UBR2: variants seen among roughly 807,000 people sequenced by gnomAD.
The protein encoded by UBR2 is ubiquitin protein ligase E3 component n-recognin 2, also known as E3 ubiquitin-protein ligase UBR2.
UBR2 carries 92 observed loss-of-function variants against 247.9 expected under a neutral mutation model. The observed-to-expected ratio is 0.37, with a 90% CI of 0.31 to 0.44. The LOEUF is 0.44. Ranked by LOEUF, UBR2 falls within the 20% of genes least tolerant of loss-of-function variation. UBR2 has a pLI of 1.00. For synonymous variants in UBR2, 672 were observed against 693.5 expected, an observed-to-expected ratio of 0.97 and a Z score of 0.49; for missense variants, 1,613 against 2,112.6, an observed-to-expected ratio of 0.76 and a Z score of 4.64.
chr6:42,592,106 AT>A, intron 2 of UBR2, 44 bp from the exon 3 acceptor site: 13 of 1,502,608 alleles, frequency 8.7e-6, no homozygotes, highest in Non-Finnish European at 1.2e-5. Context: ...TGTGAAATAT[AT>A]AGTTATTTTC....
chr6:42,650,275 C>G lies in UBR2; in HGVS notation c.2463-9C>G. 6.2e-7 allele frequency: 1 copy of G among 1,608,978 alleles called. No homozygotes were observed. Among genetic ancestry groups the G allele is most frequent in the South Asian group, 1.1e-5 (1 of 90,758 alleles). On this transcript the variant is annotated splice_polypyrimidine_tract_variant and intron_variant, in intron 22 of 46. Transcript: ENST00000372901. ...TGGTAATAATATTCTAAGGTCCTTT[C>G]TTTCACAGGAAACCTGGATTAACAG...
intron 25 of UBR2, among the ~76,000 whole-genome samples, chr6:42,653,033 C>T (rs1222075010): frequency 1.3e-5 from 2 of 151,858 alleles, no homozygotes; most frequent in Non-Finnish European, 2.9e-5. Flanking sequence ...CATAGACTTA[C>T]GGTCCTATAG....
intron 18 of UBR2, 76 bp from the exon 19 acceptor site, chr6:42,644,134 ATCTC>A (rs1796603047): frequency 7.0e-7 from 1 of 1,438,640 alleles, no homozygotes; most frequent in Admixed American, 2.3e-5. Context: ...AAGCCAAACT[ATCTC>A]TCACTAATTG....
intron 11 of UBR2, among the ~76,000 whole-genome samples, chr6:42,630,119 AG>A (rs1377384878): frequency 2.7e-5 from 4 of 150,404 alleles, no homozygotes; most frequent in Non-Finnish European, 5.9e-5. Flanking sequence ...TAGCAGTAGT[AG>A]TAGTAGCAGT....
intron 11 of UBR2, among the ~76,000 whole-genome samples, 196 bp from the exon 12 acceptor site, chr6:42,632,356 A>G (rs1369137646): frequency 6.6e-6 from 1 of 152,138 alleles, no homozygotes; most frequent in African/African-American, 2.4e-5. Context: ...GGCATCTGGT[A>G]TAATTGTTGC....
intron 40 of UBR2, among the ~76,000 whole-genome samples, chr6:42,677,841 A>AG (rs1224876600): frequency 6.6e-6 from 1 of 152,222 alleles, no homozygotes; most frequent in African/African-American, 2.4e-5. Flanking sequence ...AAGTGTTTGC[A>AG]GGGGAATAGT....
chr6:42,640,326 GGAA>G lies in UBR2; in HGVS notation c.1920+57_1920+59del. 2.7e-6 allele frequency: 4 copies of G among 1,464,786 alleles called. No individual in the cohort carries two copies. In the Admixed American group the frequency reaches 8.7e-5, roughly 32 times the overall value. 90.7% of individuals were successfully genotyped at this position (1,464,786 alleles called of 1,614,324 possible). On this transcript the variant is annotated intron_variant, in intron 16 of 46. Coordinates refer to ENST00000372901, the MANE Select transcript of UBR2 (RefSeq NM_001363705.2). ...CTTATTTATTATGTTCTTTGTATTT[GGAA>G]TCACTTTGAAACACATTTTTAGTTT...
At chr6:42,640,559 G>A (rs1342487233) in intron 16 of UBR2, among the ~76,000 whole-genome samples, 1 of 152,012 alleles carries the variant, frequency 6.6e-6, no homozygotes. Context: ...TGGCAGACTG[G>A]AGAGACCCAG....
At chr6:42,688,529 C>CCTCACAT in intron 45 of UBR2, 143 bp downstream of exon 45, 1 of 938,804 alleles carries the variant, frequency 1.1e-6, no homozygotes. Flanking sequence ...CTCCTTGTCG[C>CCTCACAT]CTCACATCTC....
chr6:42,646,814 TATATATAG>T (rs1246595984), intron 21 of UBR2, among the ~76,000 whole-genome samples: 6 of 146,918 alleles, frequency 4.1e-5, no homozygotes, highest in East Asian at 4.0e-4. Context: ...TGTTTATATA[TATATATAG>T]AGAGAGAGAG....
chr6:42,585,663 A>G (rs1792204490), intron 2 of UBR2, among the ~76,000 whole-genome samples: 1 of 152,070 alleles, frequency 6.6e-6, no homozygotes. Context: ...CAGTTTTGGC[A>G]CTATATATTT....
rs1375232031 is a variant in UBR2, at chr6:42,658,052, T to C, written c.2901T>C (p.Pro967=). The C allele has an allele frequency of 1.9e-6, 3 of 1,613,828 alleles. No individual in the cohort carries two copies. The highest frequency in any genetic ancestry group is 2.2e-5 in the East Asian group (1 of 44,882). The change falls in exon 27 of 47, where the codon CCT becomes CCC. Residue 967 remains proline (P), a synonymous_variant. Coordinates refer to ENST00000372901, the MANE Select transcript of UBR2 (RefSeq NM_001363705.2). The part of the protein sequence containing the change: ...SKPGEAPKNS[P]SILAMLETLQ... ...CTGGTGAAGCGCCAAAAAATTCTCC[T>C]AGCATACTAGCTATGCTGGAAACAC...
chr6:42,572,353 C>G (rs1376400296), intron 1 of UBR2, among the ~76,000 whole-genome samples: 1 of 151,932 alleles, frequency 6.6e-6, no homozygotes, highest in Non-Finnish European at 1.5e-5. Flanking sequence ...TAAAATCTCT[C>G]TGTATGTTGT....
chr6:42,636,003 A>G (rs1015518711), intron 14 of UBR2, among the ~76,000 whole-genome samples: 5 of 152,146 alleles, frequency 3.3e-5, no homozygotes, highest in African/African-American at 4.8e-5. Flanking sequence ...AGTTAATGGA[A>G]CAATGAGTAA....
At chr6:42,665,635 C>T in intron 33 of UBR2, 123 bp downstream of exon 33, 1 of 731,330 alleles carries the variant, frequency 1.4e-6, no homozygotes, top group East Asian at 2.7e-5. Flanking sequence ...TTCTAATTTT[C>T]CTTGTCTTAA....
At chr6:42,568,217 T>C (rs1278522631) in intron 1 of UBR2, among the ~76,000 whole-genome samples, 2 of 152,170 alleles carry the variant, frequency 1.3e-5, no homozygotes, top group Non-Finnish European at 2.9e-5. Context: ...ATTCATGCAA[T>C]CATCACTATG....
chr6:42,619,453 A>ATATATATATATATATAT, intron 11 of UBR2: 3 of 23,726 alleles, frequency 1.3e-4, no homozygotes, highest in Admixed American at 8.3e-4. Context: ...ATATATATAT[A>ATATATATATATATATAT]TTTTTTTTTT....
intron 2 of UBR2, 57 bp from the exon 3 acceptor site, chr6:42,592,094 G>A (rs537493181): frequency 3.3e-5 from 49 of 1,463,988 alleles, no homozygotes; most frequent in South Asian, 7.3e-5. Flanking sequence ...AAATAATTCT[G>A]TTGTGAAATA....
intron 11 of UBR2, among the ~76,000 whole-genome samples, chr6:42,624,636 T>C (rs1335496794): frequency 6.6e-6 from 1 of 152,082 alleles, no homozygotes; most frequent in African/African-American, 2.4e-5. Flanking sequence ...TTTTCAAGTA[T>C]AATTTGGTGA....
Sources: gnomAD v4.1 joint callset for allele counts (sites outside exome capture counted in the v4.1 genomes callset) on GRCh38, gnomAD v4.1.1 for gene constraint, MANE v1.5 for transcripts, NCBI Gene and HGNC (gene_info 2026-07-23, HGNC 2026-07-21) for gene names.